The following SPOCK1 variants were observed in gnomAD, a reference collection of about 807,000 sequenced individuals.
The protein encoded by SPOCK1 is SPARC (osteonectin), cwcv and kazal like domains proteoglycan 1, also known as testican-1.
Under a neutral mutation model 55.3 loss-of-function variants are expected in SPOCK1, and 23 were observed. The ratio of observed to expected loss-of-function variants is 0.42; its 90% CI spans 0.30 to 0.59. SPOCK1 has a LOEUF of 0.59. Among genes scored for constraint, SPOCK1 ranks in the 20% least tolerant of loss-of-function variants. SPOCK1 has a pLI of 0.22. For synonymous variants in SPOCK1, 226 were observed against 221.0 expected (o/e 1.02, Z -0.20); for missense variants, 499 against 552.5 (o/e 0.90, Z 0.97).
At chr5:137,489,468 G>T (rs1355354338) in intron 2 of SPOCK1, among the ~76,000 whole-genome samples, 1 of 152,192 alleles carries the variant, frequency 6.6e-6, no homozygotes, top group Non-Finnish European at 1.5e-5. Flanking sequence ...TGACCACAGA[G>T]GGAAGGAGAA....
intron 3 of SPOCK1, among the ~76,000 whole-genome samples, chr5:137,230,278 C>A (rs1263553730): frequency 3.3e-5 from 5 of 152,150 alleles, no homozygotes; most frequent in Admixed American, 2.6e-4. Context: ...ACAGACCCAG[C>A]CAGTCAGAAA....
At chr5:137,391,745 C>T (rs2127179591) in intron 2 of SPOCK1, among the ~76,000 whole-genome samples, 1 of 152,216 alleles carries the variant, frequency 6.6e-6, no homozygotes, top group South Asian at 2.1e-4. Flanking sequence ...GGGATCTGCT[C>T]CTGCAATTAG....
chr5:137,120,430 A>T (rs1000865673), intron 4 of SPOCK1, among the ~76,000 whole-genome samples: 1 of 152,084 alleles, frequency 6.6e-6, no homozygotes, highest in African/African-American at 2.4e-5. Flanking sequence ...CGAATGTTGA[A>T]CTCTAGACTG....
At chr5:137,239,403 A>G (rs1391799877) in intron 3 of SPOCK1, among the ~76,000 whole-genome samples, 1 of 152,196 alleles carries the variant, frequency 6.6e-6, no homozygotes, top group Non-Finnish European at 1.5e-5. Context: ...CAAAGTATTT[A>G]CCTGTGTTTT....
intron 4 of SPOCK1, among the ~76,000 whole-genome samples, chr5:137,136,016 C>T (rs1753976863): frequency 6.6e-6 from 1 of 152,184 alleles, no homozygotes; most frequent in Non-Finnish European, 1.5e-5. Context: ...TTTTGTTGTA[C>T]ATGTTTTGCA....
At chr5:137,476,173 G>T (rs1037836987) in intron 2 of SPOCK1, among the ~76,000 whole-genome samples, 2 of 151,726 alleles carry the variant, frequency 1.3e-5, no homozygotes, top group African/African-American at 4.8e-5. Flanking sequence ...TATTTTTCCT[G>T]ATTCTCTCCT....
At chr5:137,097,385 A>T (rs1469501674) in intron 5 of SPOCK1, among the ~76,000 whole-genome samples, 2 of 152,216 alleles carry the variant, frequency 1.3e-5, no homozygotes, top group African/African-American at 2.4e-5. Context: ...GTCTTCCAAC[A>T]TAACCCTGTC....
At chr5:137,236,270 G>A (rs13163306) in intron 3 of SPOCK1, among the ~76,000 whole-genome samples, 59,943 of 152,036 alleles carry the variant, frequency 0.39, 12,903 homozygotes, top group Non-Finnish European at 0.47. Flanking sequence ...TTGCAGTGAC[G>A]AGGGGGTTAC....
At chr5:137,085,502 T>A (rs4976403) in intron 5 of SPOCK1, among the ~76,000 whole-genome samples, 1 of 152,018 alleles carries the variant, frequency 6.6e-6, no homozygotes, top group African/African-American at 2.4e-5. Flanking sequence ...TGTGGGGAGA[T>A]GGCTTTAGAG....
At chr5:137,167,825 G>A (rs1343769271) in intron 3 of SPOCK1, among the ~76,000 whole-genome samples, 1 of 151,846 alleles carries the variant, frequency 6.6e-6, no homozygotes, top group Non-Finnish European at 1.5e-5. Context: ...TACAGCAAAA[G>A]CAATACTAAG....
intron 4 of SPOCK1, among the ~76,000 whole-genome samples, chr5:137,112,869 G>A (rs1763341363): frequency 6.6e-6 from 1 of 152,012 alleles, no homozygotes. Flanking sequence ...AACGGTGAGG[G>A]AATATGGCTT....
chr5:137,347,271 C>T (rs1244186995), intron 2 of SPOCK1, among the ~76,000 whole-genome samples: 2 of 152,184 alleles, frequency 1.3e-5, no homozygotes, highest in African/African-American at 2.4e-5. Flanking sequence ...CCCTCTCTGC[C>T]GCCCATGTTG....
At position 137,293,287 on chromosome 5, in the gene SPOCK1, C is replaced by T. The variant is rs192742435; in HGVS notation, c.187-26232G>A. Among the ~76,000 whole-genome samples the T allele has an allele frequency of 5.9e-5, 9 of 152,032 alleles. No individual in the cohort carries two copies. In the East Asian group the frequency reaches 1.5e-3, roughly 26 times the overall value. On this transcript the variant is annotated intron_variant, in intron 2 of 10. Transcript: ENST00000394945. ...CTGTCTCCAGGGGAGTTCACAGAGC[C>T]CAACAAATTAGTTTAATCTCAAGTG...
At chr5:137,321,883 A>G in intron 2 of SPOCK1, among the ~76,000 whole-genome samples, 1 of 152,084 alleles carries the variant, frequency 6.6e-6, no homozygotes, top group East Asian at 1.9e-4. Flanking sequence ...GAAAAAAAAA[A>G]GAAAAAGAAA....
chr5:137,350,915 A>T (rs914917489), intron 2 of SPOCK1, among the ~76,000 whole-genome samples: 3 of 152,070 alleles, frequency 2.0e-5, no homozygotes, highest in Admixed American at 2.0e-4. Context: ...AAGGGACATG[A>T]GTTTCTATTT....
intron 6 of SPOCK1, among the ~76,000 whole-genome samples, chr5:137,024,154 T>G (rs1751624275): frequency 6.6e-6 from 1 of 151,992 alleles, no homozygotes; most frequent in African/African-American, 2.4e-5. Flanking sequence ...AAACTTTGGC[T>G]TTTGAACAGC....
At chr5:137,370,804 T>C (rs1751185216) in intron 2 of SPOCK1, among the ~76,000 whole-genome samples, 5 of 152,262 alleles carry the variant, frequency 3.3e-5, no homozygotes, top group Admixed American at 1.3e-4. Context: ...TTAAGCAGCG[T>C]TGGCAAAGTT....
intron 3 of SPOCK1, among the ~76,000 whole-genome samples, chr5:137,163,225 T>A (rs1754591307): frequency 6.6e-6 from 1 of 152,186 alleles, no homozygotes; most frequent in Non-Finnish European, 1.5e-5. Flanking sequence ...AAGCACTGGT[T>A]TTGGTGCTGG....
chr5:137,167,519 A>AT (rs2127056182), intron 3 of SPOCK1, among the ~76,000 whole-genome samples: 1 of 152,050 alleles, frequency 6.6e-6, no homozygotes, highest in East Asian at 1.9e-4. Context: ...AATACACATT[A>AT]TTTTTTTCAG....
Sources: allele counts gnomAD v4.1 joint callset (sites outside exome capture counted in the v4.1 genomes callset), GRCh38; gene constraint gnomAD v4.1.1; transcripts MANE v1.5; gene names NCBI Gene and HGNC (gene_info 2026-07-23, HGNC 2026-07-21).